Variants in TFAP2D observed in about 807,000 individuals in gnomAD.
The protein encoded by TFAP2D is transcription factor AP-2 delta, also known as transcription factor AP-2-delta.
TFAP2D carries 9 observed loss-of-function variants against 43.6 expected under a neutral mutation model. The ratio of observed to expected loss-of-function variants is 0.21; its 90% CI spans 0.12 to 0.36. The LOEUF (loss-of-function observed/expected upper bound fraction) is 0.36, where lower values mean the gene tolerates loss of function less well. TFAP2D is among the 10% of genes least tolerant of loss of function. The pLI is 1.00. For missense variants in TFAP2D, 513 were observed against 561.4 expected, an observed-to-expected ratio of 0.91 and a Z score of 0.87; for synonymous variants, 256 against 224.9, an observed-to-expected ratio of 1.14 and a Z score of -1.24.
chr6:50,762,264 A>G (rs961494914), intron 7 of TFAP2D, among the ~76,000 whole-genome samples: 2 of 152,088 alleles, frequency 1.3e-5, no homozygotes, highest in African/African-American at 2.4e-5. Context: ...GTAAAAAGTT[A>G]TAGACTATAT....
At chr6:50,748,236 A>C (rs1372488061) in intron 6 of TFAP2D, among the ~76,000 whole-genome samples, 1 of 151,912 alleles carries the variant, frequency 6.6e-6, no homozygotes, top group East Asian at 1.9e-4. Flanking sequence ...TGGACCCAAC[A>C]TGTGTTCTGA....
intron 5 of TFAP2D, among the ~76,000 whole-genome samples, chr6:50,733,664 A>C (rs148795513): frequency 6.2e-4 from 95 of 152,202 alleles, no homozygotes; most frequent in South Asian, 1.0e-3. Flanking sequence ...TTACTTCAGA[A>C]GTATGTTTGC....
chr6:50,715,035 G>A (rs1211139279), intron 1 of TFAP2D, 81 bp from the exon 2 acceptor site: 2 of 1,538,584 alleles, frequency 1.3e-6, no homozygotes, highest in East Asian at 4.5e-5. Context: ...AAAGCTCCTG[G>A]CTCCGGGAGA....
intron 3 of TFAP2D, among the ~76,000 whole-genome samples, chr6:50,726,426 T>A (rs1353206104): frequency 6.6e-6 from 1 of 152,236 alleles, no homozygotes; most frequent in African/African-American, 2.4e-5. Context: ...AACTTGAAGC[T>A]AACTGGCAAC....
chr6:50,745,633 T>C (rs1295255452), intron 6 of TFAP2D, among the ~76,000 whole-genome samples: 4 of 152,084 alleles, frequency 2.6e-5, no homozygotes, highest in Non-Finnish European at 4.4e-5. Flanking sequence ...CAAAACACCA[T>C]AAATGTTTGG....
intron 5 of TFAP2D, among the ~76,000 whole-genome samples, chr6:50,733,213 T>C (rs1768917483): frequency 6.6e-6 from 1 of 152,068 alleles, no homozygotes; most frequent in Admixed American, 6.6e-5. Context: ...TTGAATGAGA[T>C]AGAAATATTT....
In TFAP2D at chr6:50,742,581, GA is replaced by G. The variant is rs1769062457; in HGVS notation, c.884-2525del. Among the ~76,000 whole-genome samples, 322 of 54,518 alleles carry G rather than the reference GA, an allele frequency of 5.9e-3. 2 individuals carry two copies. Among genetic ancestry groups the G allele is most frequent in the African/African-American group, 0.016 (312 of 19,736 alleles). The allele number at this position is 54,518 out of a possible 152,430, so 35.8% of individuals were successfully genotyped here. ...ACACATAGACAGACACACATAGATA[GA>G]TAGATAGATAGATAGATAGATAGAT... is the stretch of plus-strand genomic sequence containing the variant. On this transcript the variant is annotated intron_variant, in intron 5 of 7. Transcript: ENST00000008391.
chr6:50,723,424 G>A (rs1295184587), intron 3 of TFAP2D, among the ~76,000 whole-genome samples: 1 of 152,182 alleles, frequency 6.6e-6, no homozygotes, highest in African/African-American at 2.4e-5. Context: ...ACAATTGGAG[G>A]AGCGTGGGAA....
intron 7 of TFAP2D, 59 bp downstream of exon 7, chr6:50,751,383 A>C: frequency 8.6e-7 from 1 of 1,165,124 alleles, no homozygotes; most frequent in South Asian, 1.2e-5. Context: ...TTGTATTCCT[A>C]TCACAGTTCT....
chr6:50,742,198 C>T (rs1769055088), intron 5 of TFAP2D, among the ~76,000 whole-genome samples: 1 of 151,992 alleles, frequency 6.6e-6, no homozygotes, highest in African/African-American at 2.4e-5. Context: ...ATGATATACA[C>T]ATTTTAACTA....
chr6:50,751,560 C>T (rs1769201173), intron 7 of TFAP2D, among the ~76,000 whole-genome samples: 2 of 151,874 alleles, frequency 1.3e-5, no homozygotes, highest in Non-Finnish European at 2.9e-5. Context: ...GTTAATTAGA[C>T]AAAGGCTTGC....
intron 7 of TFAP2D, among the ~76,000 whole-genome samples, chr6:50,763,298 A>G (rs1769391309): frequency 6.6e-6 from 1 of 152,144 alleles, no homozygotes; most frequent in Non-Finnish European, 1.5e-5. Flanking sequence ...ACAGCCTTGC[A>G]GCACTCCACA....
At chr6:50,730,840 A>G (rs1343874151) in intron 5 of TFAP2D, among the ~76,000 whole-genome samples, 1 of 152,098 alleles carries the variant, frequency 6.6e-6, no homozygotes, top group Non-Finnish European at 1.5e-5. Flanking sequence ...TGGTGTTTAA[A>G]TATCATTGAT....
chr6:50,758,922 G>A (rs747850486), intron 7 of TFAP2D, among the ~76,000 whole-genome samples: 2 of 151,994 alleles, frequency 1.3e-5, no homozygotes, highest in Non-Finnish European at 2.9e-5. Context: ...CTAGGAGAAG[G>A]TTCAGAAGCC....
chr6:50,756,728 C>T (rs1277864603), intron 7 of TFAP2D, among the ~76,000 whole-genome samples: 2 of 151,924 alleles, frequency 1.3e-5, no homozygotes, highest in Non-Finnish European at 2.9e-5. Flanking sequence ...GAGAACACAG[C>T]AGACACCACA....
intron 4 of TFAP2D, 58 bp downstream of exon 4, chr6:50,729,079 C>G: frequency 6.2e-7 from 1 of 1,606,192 alleles, no homozygotes; most frequent in South Asian, 1.1e-5. Context: ...ATACCCTCAA[C>G]CCTTAGTCAT....
At chr6:50,729,510 A>C (rs879015467) in intron 5 of TFAP2D, among the ~76,000 whole-genome samples, 198 bp downstream of exon 5, 1 of 152,212 alleles carries the variant, frequency 6.6e-6, no homozygotes. Context: ...AATATCATTT[A>C]ATTTACTAAT....
At chr6:50,716,459 A>AAAAG (rs1554151552) in intron 2 of TFAP2D, among the ~76,000 whole-genome samples, 1 of 151,092 alleles carries the variant, frequency 6.6e-6, no homozygotes, top group Non-Finnish European at 1.5e-5. Context: ...AGGAAGGAGA[A>AAAAG]AAGGAAGGAA....
At chr6:50,760,492 G>A (rs984570413) in intron 7 of TFAP2D, among the ~76,000 whole-genome samples, 3 of 151,974 alleles carry the variant, frequency 2.0e-5, no homozygotes, top group African/African-American at 7.2e-5. Flanking sequence ...ACCAACTGAA[G>A]AAACCACAGA....
Sources: allele counts gnomAD v4.1 joint callset (sites outside exome capture counted in the v4.1 genomes callset), GRCh38; gene constraint gnomAD v4.1.1; transcripts MANE v1.5; gene names NCBI Gene and HGNC (gene_info 2026-07-23, HGNC 2026-07-21).